The following KYAT3 variants were observed in gnomAD, a reference collection of about 807,000 sequenced individuals.
KYAT3 encodes the protein kynurenine aminotransferase 3.
Under a neutral mutation model 59.0 loss-of-function variants are expected in KYAT3, and 50 were observed. That is an observed-to-expected ratio of 0.85 (90% CI 0.68 to 1.07). KYAT3 has a LOEUF of 1.07. Among genes scored for constraint, KYAT3 ranks in the 50% least tolerant of loss-of-function variants. The pLI is 0.00. For missense variants in KYAT3, 497 were observed against 533.3 expected (o/e 0.93, Z 0.67); for synonymous variants, 148 against 177.0 (o/e 0.84, Z 1.30).
At chr1:88,964,048 C>G (rs576754718) in intron 5 of KYAT3, among the ~76,000 whole-genome samples, 2 of 152,242 alleles carry the variant, frequency 1.3e-5, no homozygotes, top group African/African-American at 4.8e-5. Context: ...ACTAAAAATA[C>G]AAAAATTAGC....
At chr1:88,945,200 A>T (rs1193432684) in intron 11 of KYAT3, among the ~76,000 whole-genome samples, 2 of 152,188 alleles carry the variant, frequency 1.3e-5, no homozygotes, top group African/African-American at 4.8e-5. Context: ...AATAAATATA[A>T]TTATAAAGGT....
rs1316575586 is a variant in KYAT3, at chr1:88,987,155, G to C, written c.99+1097C>G. Among the ~76,000 whole-genome samples, 3 of 152,294 alleles carry C rather than the reference G, an allele frequency of 2.0e-5. No homozygotes were observed. In the East Asian group the frequency reaches 5.8e-4, roughly 29 times the overall value. ...TTTCAAAATACATTCCAGATATGTA[G>C]AATTAGAATGCATAATGGTGAGCCC... On this transcript the variant is annotated intron_variant, in intron 2 of 13. Transcript: ENST00000260508.
At chr1:88,967,842 G>A (rs1164909260) in intron 4 of KYAT3, among the ~76,000 whole-genome samples, 1 of 151,900 alleles carries the variant, frequency 6.6e-6, no homozygotes, top group Non-Finnish European at 1.5e-5. Flanking sequence ...ACCAGCTTTT[G>A]GTTTCATTAA....
At chr1:88,947,228 C>T (rs1013287687) in intron 11 of KYAT3, among the ~76,000 whole-genome samples, 13 of 152,186 alleles carry the variant, frequency 8.5e-5, no homozygotes, top group Non-Finnish European at 1.6e-4. Flanking sequence ...TGTGCCTGCT[C>T]GCTCTAAACC....
chr1:88,928,258 T>A, the KYAT3 span, among the ~76,000 whole-genome samples: 10 of 152,284 alleles, frequency 6.6e-5, no homozygotes, highest in South Asian at 1.7e-3. Context: ...CTCAGTCAGC[T>A]GCAGACATTA....
chr1:88,938,501 C>T (rs1675121223), intron 13 of KYAT3, among the ~76,000 whole-genome samples: 1 of 152,142 alleles, frequency 6.6e-6, no homozygotes, highest in Non-Finnish European at 1.5e-5. Context: ...GCACAGCACC[C>T]AACAGTTATC....
chr1:88,962,012 TCTTAAGTCTTG>T, intron 6 of KYAT3, 36 bp downstream of exon 6: 1 of 1,338,834 alleles, frequency 7.5e-7, no homozygotes, highest in Non-Finnish European at 1.1e-6. Context: ...TTTCAAGACT[TCTTAAGTCTTG>T]AAACTTTGCC....
chr1:88,927,563 C>G, the KYAT3 span, among the ~76,000 whole-genome samples: 1 of 152,042 alleles, frequency 6.6e-6, no homozygotes, highest in Non-Finnish European at 1.5e-5. Context: ...GACTCCTTCC[C>G]CAACTAATAA....
At chr1:88,967,610 G>A (rs537486790) in intron 4 of KYAT3, among the ~76,000 whole-genome samples, 1 of 151,812 alleles carries the variant, frequency 6.6e-6, no homozygotes, top group Non-Finnish European at 1.5e-5. Flanking sequence ...ATCTCTCCTT[G>A]TGTCAGTTTT....
intron 11 of KYAT3, among the ~76,000 whole-genome samples, chr1:88,945,730 T>C (rs905875941): frequency 5.3e-5 from 8 of 152,238 alleles, no homozygotes; most frequent in African/African-American, 1.2e-4. Context: ...TACGATTAAA[T>C]AAGAGTTTTT....
the KYAT3 span, among the ~76,000 whole-genome samples, chr1:88,929,332 C>T: frequency 1.3e-5 from 2 of 152,252 alleles, no homozygotes; most frequent in Middle Eastern, 6.8e-3. Context: ...CCCAGCTGTA[C>T]CTAACCCTTA....
Position 88,969,039 on chromosome 1 carries a change from C to T in KYAT3, c.159-225G>A, listed in dbSNP as rs182464242. On this transcript the variant is annotated intron_variant, in intron 3 of 13. Coordinates refer to ENST00000260508, the MANE Select transcript of KYAT3 (RefSeq NM_001008661.3). Reference sequence around the variant, plus strand: ...ATGTCCCTTACAAACCTCAGTTTCACGCTACCCATATTTTAACCACATATA... The same window carrying T: ...ATGTCCCTTACAAACCTCAGTTTCATGCTACCCATATTTTAACCACATATA... 6.6e-5 allele frequency among the ~76,000 whole-genome samples: 10 copies of T among 152,294 alleles called. No homozygotes were observed. In the South Asian group the frequency reaches 8.3e-4, roughly 13 times the overall value.
chr1:88,933,782 T>C (rs911686174), downstream of KYAT3, among the ~76,000 whole-genome samples: 1 of 152,186 alleles, frequency 6.6e-6, no homozygotes, highest in African/African-American at 2.4e-5. Flanking sequence ...CCAGCAAGGG[T>C]GGACAGGCTA....
At chr1:88,942,051 A>G (rs1675253412) in intron 13 of KYAT3, among the ~76,000 whole-genome samples, 1 of 152,166 alleles carries the variant, frequency 6.6e-6, no homozygotes, top group African/African-American at 2.4e-5. Flanking sequence ...TGGTTCTCCA[A>G]TGACACATAT....
intron 2 of KYAT3, among the ~76,000 whole-genome samples, chr1:88,978,955 G>A (rs2101073256): frequency 1.3e-5 from 2 of 152,214 alleles, no homozygotes. Context: ...ACACCTGGTG[G>A]AGTTGTGATT....
At chr1:88,971,341 C>A (rs1485659085) in intron 2 of KYAT3, among the ~76,000 whole-genome samples, 2 of 152,042 alleles carry the variant, frequency 1.3e-5, no homozygotes, top group African/African-American at 4.8e-5. Flanking sequence ...CTTCCTCTTC[C>A]CTCCCAATTC....
chr1:88,972,099 T>C (rs1199301141), intron 2 of KYAT3, among the ~76,000 whole-genome samples: 1 of 152,216 alleles, frequency 6.6e-6, no homozygotes, highest in East Asian at 1.9e-4. Flanking sequence ...AACTGGCTTA[T>C]GTGTTTGTGA....
chr1:88,972,807 G>T (rs748534485), intron 2 of KYAT3, among the ~76,000 whole-genome samples: 2 of 152,160 alleles, frequency 1.3e-5, no homozygotes, highest in African/African-American at 2.4e-5. Context: ...CACATCAGTG[G>T]GGCAAGGAAA....
intron 8 of KYAT3, among the ~76,000 whole-genome samples, chr1:88,958,951 T>C (rs1180889427): frequency 6.6e-6 from 1 of 152,186 alleles, no homozygotes; most frequent in Non-Finnish European, 1.5e-5. Context: ...TTTTCCACCC[T>C]GATCTATGCC....
Sources: allele counts gnomAD v4.1 joint callset (sites outside exome capture counted in the v4.1 genomes callset), GRCh38; gene constraint gnomAD v4.1.1; transcripts MANE v1.5; gene names NCBI Gene and HGNC (gene_info 2026-07-23, HGNC 2026-07-21).